The following TTL variants were observed in gnomAD, a reference collection of about 807,000 sequenced individuals.
The protein encoded by TTL is tubulin--tyrosine ligase.
TTL carries 10 observed loss-of-function variants against 41.1 expected under a neutral mutation model. That is an observed-to-expected ratio of 0.24 (90% CI 0.15 to 0.41). The LOEUF is 0.41. Among genes scored for constraint, TTL ranks in the 10% least tolerant of loss-of-function variants. The probability of loss-of-function intolerance (pLI) is 1.00; values close to 1 mark genes in which losing one functional copy is unlikely to be tolerated. For synonymous variants in TTL, 175 were observed against 175.5 expected (o/e 1.00, Z 0.02); for missense variants, 367 against 460.4 (o/e 0.80, Z 1.86).
chr2:112,523,328 C>T (rs997186512), intron 6 of TTL, among the ~76,000 whole-genome samples: 1 of 120,960 alleles, frequency 8.3e-6, no homozygotes, highest in Non-Finnish European at 1.7e-5. Flanking sequence ...TCAGAAGAAA[C>T]TGTCTGTGGG....
At chr2:112,519,139 A>G (rs17043158) in intron 5 of TTL, among the ~76,000 whole-genome samples, 61,932 of 151,890 alleles carry the variant, frequency 0.41, 12,891 homozygotes, top group East Asian at 0.58. Context: ...CAGAAATGGC[A>G]TAGGTTTTCT....
At position 112,482,223 on chromosome 2, in the gene TTL, C is replaced by G. The variant is rs1405324279; in HGVS notation, c.-122C>G. On this transcript the variant is annotated 5_prime_UTR_variant, in exon 1 of 7. Transcript: ENST00000233336. This position sits in a 1 kb window ranked among gnomAD's most constrained non-coding sequence, Gnocchi z 5.3. Reference sequence around the variant, plus strand: ...GCCGGCACCCGAGAGGCGCGGTAGCCGGCGCGGGCGGCGGGGGCCGGGCCG... The same window carrying G: ...GCCGGCACCCGAGAGGCGCGGTAGCGGGCGCGGGCGGCGGGGGCCGGGCCG... The G allele has an allele frequency of 1.4e-6, 1 of 706,572 alleles. No individual in the cohort carries two copies. The highest frequency in any genetic ancestry group is 1.7e-6 in the Non-Finnish European group (1 of 578,628). 43.8% of individuals were successfully genotyped at this position (706,572 alleles called of 1,614,324 possible).
At chr2:112,487,886 G>A (rs1362041379) in intron 2 of TTL, among the ~76,000 whole-genome samples, 1 of 152,182 alleles carries the variant, frequency 6.6e-6, no homozygotes, top group Non-Finnish European at 1.5e-5. Flanking sequence ...TGGCTTGAAA[G>A]GGCTCCAGAG....
chr2:112,502,980 C>A lies in TTL; in HGVS notation c.674C>A (p.Ser225Ter). The A allele has an allele frequency of 1.2e-6, 2 of 1,614,082 alleles. No individual in the cohort carries two copies. Among genetic ancestry groups the A allele is most frequent in the Non-Finnish European group, 1.7e-6 (2 of 1,180,000 alleles). ...LYREGVLRTASEPYHVDNFQD... is the reference protein window; with the variant it reads ...LYREGVLRTA ...AGAGAGGGTGTGCTTCGGACTGCTTCAGAACCATATCATGTTGATAATTTC... is the reference window on the plus strand; with the variant it reads ...AGAGAGGGTGTGCTTCGGACTGCTTAAGAACCATATCATGTTGATAATTTC... Residue 225 changes from serine (S) to a stop codon, truncating the protein, a stop_gained, in exon 5 of 7, where the codon TCA becomes TAA. Transcript: ENST00000233336. LOFTEE classifies it high-confidence loss of function.
At chr2:112,516,238 A>C (rs1682065620) in intron 5 of TTL, among the ~76,000 whole-genome samples, 2 of 152,204 alleles carry the variant, frequency 1.3e-5, no homozygotes, top group Admixed American at 1.3e-4. Flanking sequence ...GTTGGTAGAC[A>C]TCTGGGTTTT....
rs772499814 is a variant in TTL at position 112,531,747 on chromosome 2, G to T, written c.*2952G>T. Reference sequence around the variant, plus strand: ...TCTTTAAGGATGACCGGATGTTGCCGTATGTATTTATGGCACAAGCAGGTG... The same window carrying T: ...TCTTTAAGGATGACCGGATGTTGCCTTATGTATTTATGGCACAAGCAGGTG... On this transcript the variant is annotated 3_prime_UTR_variant, in exon 7 of 7. Coordinates refer to ENST00000233336, the MANE Select transcript of TTL (RefSeq NM_153712.5). 4.5e-6 allele frequency: 1 copy of T among 223,084 alleles called. No individual in the cohort carries two copies. The highest frequency in any genetic ancestry group is 5.7e-5 in the Admixed American group (1 of 17,424). 13.8% of individuals were successfully genotyped at this position (223,084 alleles called of 1,614,324 possible). A position where few individuals can be genotyped will look rare whatever the true frequency, so the allele number is the denominator to read the frequency against.
intron 4 of TTL, among the ~76,000 whole-genome samples, 165 bp from the exon 5 acceptor site, chr2:112,502,747 C>A (rs576667267): frequency 3.9e-5 from 6 of 152,108 alleles, no homozygotes; most frequent in African/African-American, 1.4e-4. Context: ...ACTATCTTAG[C>A]TAAATCATAA....
intron 2 of TTL, among the ~76,000 whole-genome samples, 162 bp from the exon 3 acceptor site, chr2:112,493,981 C>T (rs1374875141): frequency 6.6e-6 from 1 of 152,186 alleles, no homozygotes; most frequent in Non-Finnish European, 1.5e-5. Context: ...CCCAATAACG[C>T]ATTTGAGCTT....
At position 112,531,403 on chromosome 2, in the gene TTL, A is replaced by G; in HGVS notation, c.*2608A>G. The G allele has an allele frequency of 4.4e-6, 1 of 228,932 alleles. No homozygotes were observed. 14.2% of individuals were successfully genotyped at this position (228,932 alleles called of 1,614,324 possible). On this transcript the variant is annotated 3_prime_UTR_variant, in exon 7 of 7. Transcript: ENST00000233336. ...TGTGCCTTAGTTTCTTAGCCCATGA[A>G]AGAGATCATTGCCTGACCCAGGGAC...
chr2:112,482,989 C>T lies in TTL; in HGVS notation c.157+488C>T, dbSNP rs1304419549. ...TTGAAACCCCTGAGGCTTCTGCCCC[C>T]CGAAGGCGCGGAGGAGCGATCAGAG... On this transcript the variant is annotated intron_variant, in intron 1 of 6. Transcript: ENST00000233336. This position sits in a 1 kb window ranked among gnomAD's most constrained non-coding sequence, Gnocchi z 5.3. 2.0e-5 allele frequency among the ~76,000 whole-genome samples: 3 copies of T among 152,228 alleles called. No individual in the cohort carries two copies. The highest frequency in any genetic ancestry group is 4.4e-5 in the Non-Finnish European group (3 of 68,036).
rs1682617193 is a variant in TTL at position 112,537,370 on chromosome 2, C to T, written c.*8575C>T. 6.6e-6 allele frequency: 1 copy of T among 152,464 alleles called. No homozygotes were observed. Among genetic ancestry groups the T allele is most frequent in the Admixed American group, 6.5e-5 (1 of 15,294 alleles). 9.4% of individuals were successfully genotyped at this position (152,464 alleles called of 1,614,324 possible). ...TGCTGGGATTACAGGCATGAGCCAC[C>T]ATGCCCAGCTGCTCTGTTTTAAATT... On this transcript the variant is annotated 3_prime_UTR_variant, in exon 7 of 7. Coordinates refer to ENST00000233336, the MANE Select transcript of TTL (RefSeq NM_153712.5).
At chr2:112,488,084 A>G (rs4849068) in intron 2 of TTL, among the ~76,000 whole-genome samples, 149,948 of 152,250 alleles carry the variant, frequency 0.98, 73,885 homozygotes, top group East Asian at 1. Context: ...GTTCAGTGCA[A>G]GACCCTGTGC....
rs755051745 is a variant in TTL, at chr2:112,537,918, T to C, written c.*9123T>C. On this transcript the variant is annotated 3_prime_UTR_variant, in exon 7 of 7. Coordinates refer to ENST00000233336, the MANE Select transcript of TTL (RefSeq NM_153712.5). ...CCACCCAACAGCAGCAAAATACACA[T>C]CCTTCTCAAGTGCACATGGAACATT... The C allele has an allele frequency of 1.3e-5, 2 of 152,140 alleles. No individual in the cohort carries two copies. The highest frequency in any genetic ancestry group is 2.9e-5 in the Non-Finnish European group (2 of 68,032). The allele number at this position is 152,140 out of a possible 1,614,324, so 9.4% of individuals were successfully genotyped here.
intron 2 of TTL, among the ~76,000 whole-genome samples, chr2:112,487,126 T>TACTGGAAC (rs1444823611): frequency 5.9e-5 from 9 of 152,218 alleles, no homozygotes; most frequent in African/African-American, 2.2e-4. Context: ...TGTAGCCAGG[T>TACTGGAAC]ACTGGAAGAT....
chr2:112,484,913 A>G (rs1228943800), intron 1 of TTL, among the ~76,000 whole-genome samples: 2 of 152,220 alleles, frequency 1.3e-5, no homozygotes, highest in African/African-American at 4.8e-5. Flanking sequence ...TACTGGAAAT[A>G]CAGTGTGTTT....
chr2:112,488,542 A>G (rs1681300441), intron 2 of TTL, among the ~76,000 whole-genome samples: 1 of 147,912 alleles, frequency 6.8e-6, no homozygotes, highest in Non-Finnish European at 1.5e-5. Flanking sequence ...CAGATCACTT[A>G]GGGTCAGGAG....
chr2:112,511,806 A>T (rs1681926636), intron 5 of TTL, among the ~76,000 whole-genome samples: 1 of 151,746 alleles, frequency 6.6e-6, no homozygotes, highest in South Asian at 2.1e-4. Flanking sequence ...CCTGGGCTCA[A>T]GCAATCTACA....
At chr2:112,496,207 T>C (rs2943629) in intron 3 of TTL, among the ~76,000 whole-genome samples, 5 of 152,066 alleles carry the variant, frequency 3.3e-5, no homozygotes, top group South Asian at 2.1e-4. Flanking sequence ...GGACCCTCAC[T>C]AAGACAAGAC....
chr2:112,494,681 G>A (rs781417337), intron 3 of TTL, among the ~76,000 whole-genome samples: 16 of 151,938 alleles, frequency 1.1e-4, no homozygotes, highest in Admixed American at 7.2e-4. Context: ...CCTCCTTCAC[G>A]CTTTCCACTT....
Sources: gnomAD v4.1 joint callset for allele counts (sites outside exome capture counted in the v4.1 genomes callset) on GRCh38, gnomAD v4.1.1 for gene constraint, Gnocchi (gnomAD v3.1) non-coding constraint, MANE v1.5 for transcripts, NCBI Gene and HGNC (gene_info 2026-07-23, HGNC 2026-07-21) for gene names.